Variants in SUSD1 observed in about 807,000 individuals in gnomAD.
SUSD1 encodes the protein sushi domain containing 1.
In SUSD1, 65 loss-of-function variants were observed where a neutral mutation model predicts 86.9. The ratio of observed to expected loss-of-function variants is 0.75; its 90% CI spans 0.61 to 0.92. The LOEUF (loss-of-function observed/expected upper bound fraction) is 0.92, where lower values mean the gene tolerates loss of function less well. SUSD1 is among the 40% of genes least tolerant of loss of function. The pLI, the probability that SUSD1 is intolerant of heterozygous loss-of-function variation, is 0.00. For synonymous variants in SUSD1, 346 were observed against 350.0 expected (o/e 0.99, Z 0.13); for missense variants, 850 against 929.7 (o/e 0.91, Z 1.11).
intron 12 of SUSD1, among the ~76,000 whole-genome samples, chr9:112,065,863 G>C (rs1828953011): frequency 6.6e-6 from 1 of 152,192 alleles, no homozygotes; most frequent in Non-Finnish European, 1.5e-5. Flanking sequence ...CACAAGTAAA[G>C]AGAATAAAAC....
chr9:112,152,901 C>A (rs1191918041), intron 2 of SUSD1, among the ~76,000 whole-genome samples: 7 of 150,734 alleles, frequency 4.6e-5, no homozygotes, highest in African/African-American at 7.3e-5. Context: ...ACCACAGGTA[C>A]CTGCCACCAC....
intron 2 of SUSD1, among the ~76,000 whole-genome samples, chr9:112,150,902 G>C (rs1833016217): frequency 6.6e-6 from 1 of 152,208 alleles, no homozygotes; most frequent in Admixed American, 6.5e-5. Context: ...TGAGTGAATA[G>C]GAAGGCCTAG....
At chr9:112,136,049 A>G (rs1832248569) in intron 5 of SUSD1, among the ~76,000 whole-genome samples, 2 of 152,164 alleles carry the variant, frequency 1.3e-5, no homozygotes, top group African/African-American at 4.8e-5. Flanking sequence ...GCACACTCAA[A>G]TGACTTCAAC....
intron 13 of SUSD1, among the ~76,000 whole-genome samples, chr9:112,062,088 G>A (rs77419923): frequency 0.045 from 6,803 of 152,228 alleles, 234 homozygotes; most frequent in Admixed American, 0.088. Flanking sequence ...CCCAGAAGCA[G>A]TCATTAATTA....
chr9:112,076,432 G>T (rs1410426631), intron 12 of SUSD1, among the ~76,000 whole-genome samples: 1 of 152,186 alleles, frequency 6.6e-6, no homozygotes, highest in Non-Finnish European at 1.5e-5. Context: ...TTTTTGGTCT[G>T]AACAATTGGG....
chr9:112,124,576 A>C, intron 5 of SUSD1, 140 bp from the exon 6 acceptor site: 1 of 740,430 alleles, frequency 1.4e-6, no homozygotes, highest in Non-Finnish European at 2.0e-6. Flanking sequence ...CAAATAATCC[A>C]ATATAAGTAT....
intron 10 of SUSD1, among the ~76,000 whole-genome samples, chr9:112,085,819 C>T (rs534082803): frequency 6.6e-6 from 1 of 152,266 alleles, no homozygotes; most frequent in Admixed American, 6.5e-5. Context: ...ACTCACTACG[C>T]ATCCTCCAAA....
intron 5 of SUSD1, among the ~76,000 whole-genome samples, chr9:112,128,671 G>T (rs1350421614): frequency 6.6e-6 from 1 of 152,174 alleles, no homozygotes; most frequent in African/African-American, 2.4e-5. Flanking sequence ...GTAGTAGTTA[G>T]AATGATTTGA....
At chr9:112,147,725 T>C (rs1488665914) in intron 3 of SUSD1, among the ~76,000 whole-genome samples, 1 of 152,178 alleles carries the variant, frequency 6.6e-6, no homozygotes, top group Non-Finnish European at 1.5e-5. Flanking sequence ...GCCGAGATCA[T>C]GCCACTGCAC....
At chr9:112,117,761 C>G (rs1039247293) in intron 6 of SUSD1, among the ~76,000 whole-genome samples, 4 of 152,014 alleles carry the variant, frequency 2.6e-5, no homozygotes, top group African/African-American at 7.2e-5. Context: ...AATATAGATA[C>G]TAAAAACTAT....
chr9:112,107,376 G>C (rs1407185611), intron 8 of SUSD1, among the ~76,000 whole-genome samples: 1 of 151,630 alleles, frequency 6.6e-6, no homozygotes, highest in Non-Finnish European at 1.5e-5. Context: ...TTAAAACCGG[G>C]AGGCCAAGGT....
chr9:112,102,295 A>AAG lies in SUSD1; in HGVS notation c.1172-12_1172-11dup, dbSNP rs765356801. Reference sequence around the variant, plus strand: ...TCTAAGAGATCAACTTCTAAAAGACAAGAGAGAGAGTTATAGACAGCTTGC... The same window carrying AAG: ...TCTAAGAGATCAACTTCTAAAAGACAAGAGAGAGAGAGTTATAGACAGCTTGC... On this transcript the variant is annotated splice_polypyrimidine_tract_variant and intron_variant, in intron 8 of 16. Transcript: ENST00000374270. 3.4e-6 allele frequency: 5 copies of AAG among 1,481,490 alleles called. No individual in the cohort carries two copies. The highest frequency in any genetic ancestry group is 2.3e-5 in the East Asian group (1 of 43,390). 91.8% of individuals were successfully genotyped at this position (1,481,490 alleles called of 1,614,324 possible).
chr9:112,095,432 A>T (rs767267105), intron 10 of SUSD1, among the ~76,000 whole-genome samples: 3 of 152,220 alleles, frequency 2.0e-5, no homozygotes, highest in Non-Finnish European at 2.9e-5. Context: ...GGGAGCAAGA[A>T]GTGTTTCAGT....
At chr9:112,162,226 C>T (rs917355013) in intron 1 of SUSD1, among the ~76,000 whole-genome samples, 6 of 152,144 alleles carry the variant, frequency 3.9e-5, no homozygotes, top group African/African-American at 1.4e-4. Context: ...ATATGGTACA[C>T]AATCTGATGA....
At chr9:112,155,591 T>C (rs1336344533) in intron 2 of SUSD1, among the ~76,000 whole-genome samples, 2 of 152,132 alleles carry the variant, frequency 1.3e-5, no homozygotes, top group Non-Finnish European at 2.9e-5. Flanking sequence ...GATTTTTTTT[T>C]GGTTTTTTTG....
At chr9:112,148,345 G>C (rs1487336779) in intron 3 of SUSD1, among the ~76,000 whole-genome samples, 1 of 152,040 alleles carries the variant, frequency 6.6e-6, no homozygotes, top group Non-Finnish European at 1.5e-5. Flanking sequence ...CCCTGTATTC[G>C]ACCAGCCTAT....
At chr9:112,112,627 C>G in intron 7 of SUSD1, 144 bp downstream of exon 7, 1 of 551,916 alleles carries the variant, frequency 1.8e-6, no homozygotes, top group South Asian at 2.0e-5. Context: ...CAGAGTGAGA[C>G]TGTCTCACAA....
intron 2 of SUSD1, among the ~76,000 whole-genome samples, chr9:112,153,421 G>T (rs2131805470): frequency 6.6e-6 from 1 of 152,130 alleles, no homozygotes; most frequent in East Asian, 1.9e-4. Context: ...CATACATGGA[G>T]CTGTCATCTC....
At chr9:112,097,395 C>CTTT (rs764568520) in intron 10 of SUSD1, among the ~76,000 whole-genome samples, 16 of 103,272 alleles carry the variant, frequency 1.5e-4, no homozygotes, top group South Asian at 3.9e-4. Flanking sequence ...ATTTCAGAGT[C>CTTT]TTTTTTTTTT....
Sources: gnomAD v4.1 joint callset for allele counts (sites outside exome capture counted in the v4.1 genomes callset) on GRCh38, gnomAD v4.1.1 for gene constraint, MANE v1.5 for transcripts, NCBI Gene and HGNC (gene_info 2026-07-23, HGNC 2026-07-21) for gene names.